Variants in TSPEAR observed in about 807,000 individuals in gnomAD.
The protein encoded by TSPEAR is thrombospondin-type laminin G domain and EAR repeat-containing protein.
Under a neutral mutation model 71.6 loss-of-function variants are expected in TSPEAR, and 69 were observed. The ratio of observed to expected loss-of-function variants is 0.96; its 90% confidence interval spans 0.79 to 1.18. TSPEAR has a LOEUF of 1.18. Among genes scored for constraint, TSPEAR ranks in the 50% most tolerant of loss-of-function variants. The pLI, the probability that TSPEAR is intolerant of heterozygous loss-of-function variation, is 0.00. For synonymous variants in TSPEAR, 402 were observed against 387.2 expected (o/e 1.04, Z -0.45); for missense variants, 971 against 894.9 (o/e 1.09, Z -1.09).
chr21:44,627,854 C>T (rs1268659976), intron 1 of TSPEAR: 3 of 1,613,706 alleles, frequency 1.9e-6, no homozygotes, highest in Non-Finnish European at 2.5e-6. Flanking sequence ...TGCAGACCCT[C>T]CTCCTCTGTG....
chr21:44,599,134 T>TTCTC (rs58774528), intron 1 of TSPEAR, among the ~76,000 whole-genome samples: 4,709 of 92,208 alleles, frequency 0.051, 289 homozygotes, highest in East Asian at 0.13. Context: ...GGCCCCCATT[T>TTCTC]TCTCTCTCTC....
At chr21:44,697,759 C>T in intron 1 of TSPEAR, 1 of 1,614,130 alleles carries the variant, frequency 6.2e-7, no homozygotes, top group South Asian at 1.1e-5. Flanking sequence ...GCTGCACCAC[C>T]TCCTGCTGCA....
intron 2 of TSPEAR, chr21:44,558,200 C>T (rs1555920238): frequency 1.3e-6 from 2 of 1,556,272 alleles, no homozygotes; most frequent in Admixed American, 1.8e-5. Context: ...AGGGGATGGG[C>T]ACACAGCAGG....
intron 1 of TSPEAR, among the ~76,000 whole-genome samples, chr21:44,656,781 C>CGGAAA (rs1172158646): frequency 6.6e-6 from 1 of 152,148 alleles, no homozygotes; most frequent in Non-Finnish European, 1.5e-5. Context: ...GCTCTCTTCT[C>CGGAAA]TTTCCAAGGT....
intron 11 of TSPEAR, among the ~76,000 whole-genome samples, chr21:44,502,698 G>C (rs1319130696): frequency 2.6e-5 from 4 of 152,264 alleles, no homozygotes; most frequent in African/African-American, 9.6e-5. Flanking sequence ...ATCCCACACG[G>C]GTGCAGCCAG....
intron 1 of TSPEAR, among the ~76,000 whole-genome samples, chr21:44,650,417 C>CAACGGCGGCAGA (rs1984706811): frequency 1.3e-5 from 2 of 152,030 alleles, no homozygotes; most frequent in African/African-American, 4.8e-5. Context: ...CGCCATGTGA[C>CAACGGCGGCAGA]GACGGCGGCA....
chr21:44,682,410 T>G (rs1296671094), intron 1 of TSPEAR, among the ~76,000 whole-genome samples: 5 of 152,226 alleles, frequency 3.3e-5, no homozygotes, highest in Non-Finnish European at 7.3e-5. Flanking sequence ...CAGTTTTAGC[T>G]CCACCTGCCT....
chr21:44,528,065 C>T (rs1018536389), intron 6 of TSPEAR, among the ~76,000 whole-genome samples: 17 of 152,172 alleles, frequency 1.1e-4, no homozygotes, highest in Admixed American at 2.0e-4. Flanking sequence ...GGGAGGCAGG[C>T]ATTGTCTTCC....
chr21:44,610,908 G>A (rs1415435417), intron 1 of TSPEAR, among the ~76,000 whole-genome samples: 1 of 152,142 alleles, frequency 6.6e-6, no homozygotes, highest in Non-Finnish European at 1.5e-5. Flanking sequence ...CTCCCCTGCT[G>A]GATTTTGGAC....
intron 1 of TSPEAR, chr21:44,681,990 C>A: frequency 6.2e-7 from 1 of 1,609,558 alleles, no homozygotes. Flanking sequence ...CACGGGCACA[C>A]ACACGGCTGG....
intron 2 of TSPEAR, chr21:44,558,382 G>T (rs782603853): frequency 3.7e-6 from 6 of 1,613,288 alleles, no homozygotes; most frequent in Middle Eastern, 1.7e-4. Flanking sequence ...CAGCAGACGG[G>T]CACACAGCAG....
chr21:44,615,560 T>TTGTTTTG (rs1555932294), intron 1 of TSPEAR, among the ~76,000 whole-genome samples: 1 of 146,782 alleles, frequency 6.8e-6, no homozygotes, highest in African/African-American at 2.7e-5. Context: ...TTTTTTTTTT[T>TTGTTTTG]TTTTTAAATT....
intron 2 of TSPEAR, among the ~76,000 whole-genome samples, chr21:44,553,208 A>G (rs1555919338): frequency 6.6e-6 from 1 of 152,272 alleles, no homozygotes; most frequent in Non-Finnish European, 1.5e-5. Context: ...GTTACTATGG[A>G]CAGACGCGGA....
At chr21:44,529,324 G>GCC (rs1250272836) in intron 5 of TSPEAR, among the ~76,000 whole-genome samples, 1 of 152,216 alleles carries the variant, frequency 6.6e-6, no homozygotes, top group Non-Finnish European at 1.5e-5. Context: ...AAGCGGGGAG[G>GCC]CCCTCTGGGC....
intron 1 of TSPEAR, among the ~76,000 whole-genome samples, chr21:44,706,759 A>G (rs1987946774): frequency 6.6e-6 from 1 of 152,116 alleles, no homozygotes; most frequent in Admixed American, 6.5e-5. Flanking sequence ...AGGTCACCCT[A>G]GAAGCGAGGC....
intron 1 of TSPEAR, among the ~76,000 whole-genome samples, chr21:44,608,058 G>A (rs1601480668): frequency 6.6e-6 from 1 of 152,298 alleles, no homozygotes; most frequent in East Asian, 1.9e-4. Context: ...AGAGTCAGGA[G>A]GGGTGGGGAT....
chr21:44,676,167 G>T, intron 1 of TSPEAR: 1 of 1,125,230 alleles, frequency 8.9e-7, no homozygotes, highest in Non-Finnish European at 1.4e-6. Context: ...AGGAGAAGAA[G>T]TACTGGTACA....
At position 44,568,090 on chromosome 21, in the gene TSPEAR, G is replaced by A. The variant is rs2053726909; in HGVS notation, c.83-85C>T. On this transcript the variant is annotated intron_variant, in intron 1 of 11. Transcript: ENST00000323084. ...AACAGCCAACATGTATGGGGCATCA[G>A]CGTGGCAGGCACTTTACATAGCACT... 5.8e-6 allele frequency: 6 copies of A among 1,036,110 alleles called. No individual in the cohort carries two copies. In the African/African-American group the frequency reaches 9.6e-5, roughly 17 times the overall value. 64.2% of individuals were successfully genotyped at this position (1,036,110 alleles called of 1,614,324 possible).
At chr21:44,538,847 C>A in intron 2 of TSPEAR, 1 of 237,296 alleles carries the variant, frequency 4.2e-6, no homozygotes, top group Non-Finnish European at 8.2e-6. Flanking sequence ...ACCTGGTGAC[C>A]CCCTGGAGGA....
Sources: gnomAD v4.1 joint callset for allele counts (sites outside exome capture counted in the v4.1 genomes callset) on GRCh38, gnomAD v4.1.1 for gene constraint, MANE v1.5 for transcripts, NCBI Gene and HGNC (gene_info 2026-07-23, HGNC 2026-07-21) for gene names.